Variants in SCUBE3 observed in about 807,000 individuals in gnomAD.
The protein encoded by SCUBE3 is signal peptide, CUB domain and EGF like domain containing 3, also known as signal peptide, CUB and EGF-like domain-containing protein 3.
Under a neutral mutation model 116.8 loss-of-function variants are expected in SCUBE3, and 33 were observed. That is an observed-to-expected ratio of 0.28 (90% CI 0.21 to 0.38). The LOEUF (loss-of-function observed/expected upper bound fraction) is 0.38. Ranked by LOEUF, SCUBE3 falls within the 10% of genes least tolerant of loss-of-function variation. The pLI is 1.00. For synonymous variants in SCUBE3, 418 were observed against 496.9 expected (o/e 0.84, Z 2.11); for missense variants, 1,007 against 1,324.8 (o/e 0.76, Z 3.72).
Position 35,244,809 on chromosome 6 carries a change from A to G in SCUBE3, c.2399A>G (p.Lys800Arg), listed in dbSNP as rs576646814. ...FDGSTSVAQC[K>R]NRQCGGELGE... ...GGCTCTACCAGTGTGGCCCAATGCA[A>G]GAGTACGTGGCAAGCCAGGCTGTGC... The change falls in exon 18 of 22, where the codon AAG (lysine) becomes AGG (arginine). Residue 800 changes from lysine to arginine, a missense_variant and splice_region_variant. Lys to Arg is a conservative substitution (Grantham distance 26). This residue lies in a region of SCUBE3 where 544 missense variants were observed against 638.9 expected (regional missense o/e 0.85). Coordinates refer to ENST00000274938, the MANE Select transcript of SCUBE3 (RefSeq NM_152753.4). This position sits in a 1 kb window ranked among gnomAD's most constrained non-coding sequence, Gnocchi z 4.3. The G allele has an allele frequency of 6.2e-6, 10 of 1,614,124 alleles. No homozygotes were observed. The highest frequency in any genetic ancestry group is 1.7e-5 in the Admixed American group (1 of 60,030).
At position 35,244,972 on chromosome 6, in the gene SCUBE3, G is replaced by T. The variant is rs550222942; in HGVS notation, c.2401+161G>T. On this transcript the variant is annotated intron_variant, in intron 18 of 21. Coordinates refer to ENST00000274938, the MANE Select transcript of SCUBE3 (RefSeq NM_152753.4). This position sits in a 1 kb window ranked among gnomAD's most constrained non-coding sequence, Gnocchi z 4.3. Reference sequence around the variant, plus strand: ...CCCAACTCACTCAATCTCAAGGCCAGTTGCTAGGCTGGACCCTGTAACACC... The same window carrying T: ...CCCAACTCACTCAATCTCAAGGCCATTTGCTAGGCTGGACCCTGTAACACC... Among the ~76,000 whole-genome samples the T allele has an allele frequency of 4.3e-4, 65 of 152,314 alleles. 1 individual carries two copies. Among genetic ancestry groups the T allele is most frequent in the Middle Eastern group, 3.4e-3 (1 of 294 alleles).
intron 21 of SCUBE3, among the ~76,000 whole-genome samples, chr6:35,247,606 T>C (rs1012402078): frequency 1.3e-5 from 2 of 152,232 alleles, no homozygotes; most frequent in Non-Finnish European, 2.9e-5. Flanking sequence ...AATATACTTT[T>C]AATAATACTT....
chr6:35,236,164 G>T (rs138395130), intron 6 of SCUBE3, among the ~76,000 whole-genome samples: 1 of 152,224 alleles, frequency 6.6e-6, no homozygotes, highest in Non-Finnish European at 1.5e-5. Flanking sequence ...TACCTGGCAA[G>T]TGCCTGGCAC....
At position 35,239,772 on chromosome 6, in the gene SCUBE3, A is replaced by C. The variant is rs1396031974; in HGVS notation, c.850A>C (p.Asn284His). The change falls in exon 8 of 22, where the codon AAC becomes CAC. Residue 284 changes from asparagine (N) to histidine (H), a missense_variant. Around this residue, in one of 5 missense-constraint regions of SCUBE3, gnomAD observed 214 missense variants for 316.7 expected, o/e 0.68. Coordinates refer to ENST00000274938, the MANE Select transcript of SCUBE3 (RefSeq NM_152753.4). The surrounding 1 kb of genome is among the most constrained non-coding windows in gnomAD (Gnocchi z 4.1). ...TCKDIDECRL[N>H]NGGCDHICRN... ...TTCAGATATAGATGAGTGCCGCTTA[A>C]ACAACGGGGGCTGTGACCATATTTG... 2 of 1,612,562 alleles carry C rather than the reference A, an allele frequency of 1.2e-6. No homozygotes were observed. The highest frequency in any genetic ancestry group is 1.7e-6 in the Non-Finnish European group (2 of 1,179,426).
chr6:35,236,351 G>A (rs973117108), intron 6 of SCUBE3, among the ~76,000 whole-genome samples: 11 of 152,312 alleles, frequency 7.2e-5, no homozygotes, highest in East Asian at 3.9e-4. Flanking sequence ...CTGCTATTCC[G>A]TATCCTACAT....
chr6:35,234,575 T>C (rs1329931947), intron 6 of SCUBE3, among the ~76,000 whole-genome samples: 7 of 152,208 alleles, frequency 4.6e-5, no homozygotes, highest in African/African-American at 1.7e-4. Context: ...CTCATTGCCT[T>C]CTTTGGGCTG....
In SCUBE3 at chr6:35,252,629, G is replaced by C. The variant is rs1038295825; in HGVS notation, c.*3924G>C. On this transcript the variant is annotated 3_prime_UTR_variant, in exon 22 of 22. Coordinates refer to ENST00000274938, the MANE Select transcript of SCUBE3 (RefSeq NM_152753.4). ...TCTTAAGCACAATAAAAGTGGGAGC[G>C]AACAACACAAGGATATTTTTACATT... is the stretch of plus-strand genomic sequence containing the variant. 6.6e-6 allele frequency: 1 copy of C among 152,046 alleles called. No homozygotes were observed. The highest frequency in any genetic ancestry group is 1.5e-5 in the Non-Finnish European group (1 of 68,026). The allele number at this position is 152,046 out of a possible 1,614,324, so 9.4% of individuals were successfully genotyped here. A position where few individuals can be genotyped will look rare whatever the true frequency, so the allele number is the denominator to read the frequency against.
chr6:35,247,206 G>A (rs1207047064), intron 21 of SCUBE3, among the ~76,000 whole-genome samples: 3 of 152,002 alleles, frequency 2.0e-5, no homozygotes, highest in African/African-American at 4.8e-5. Flanking sequence ...GGGCTGAGGC[G>A]GGTGGATCGC....
intron 1 of SCUBE3, chr6:35,222,109 C>A (rs1309866794): frequency 6.6e-6 from 1 of 152,210 alleles, no homozygotes; most frequent in Non-Finnish European, 1.5e-5. Context: ...CCCACAATTA[C>A]CCCCTCCCCT....
rs1357783205 is a variant in SCUBE3, at chr6:35,231,036, G to T, written c.335-689G>T. Among the ~76,000 whole-genome samples, 1 of 151,960 alleles carries T rather than the reference G, an allele frequency of 6.6e-6. No individual in the cohort carries two copies. The highest frequency in any genetic ancestry group is 1.5e-5 in the Non-Finnish European group (1 of 67,976). ...CCCTGCCCCCCACCCCCACCATCTAGGGTGTGGCCTGGCAGCTCTCCCCAG... is the reference window on the plus strand; with the variant it reads ...CCCTGCCCCCCACCCCCACCATCTATGGTGTGGCCTGGCAGCTCTCCCCAG... On this transcript the variant is annotated intron_variant, in intron 3 of 21. Coordinates refer to ENST00000274938, the MANE Select transcript of SCUBE3 (RefSeq NM_152753.4). This position sits in a 1 kb window ranked among gnomAD's most constrained non-coding sequence, Gnocchi z 4.2.
chr6:35,253,054 A>T lies in SCUBE3; in HGVS notation c.*4349A>T, dbSNP rs1403433940. ...GATTTTGTATGTCTTTTTTATTATT[A>T]TTAAAATACTAAATGAAACTCCTCA... On this transcript the variant is annotated 3_prime_UTR_variant, in exon 22 of 22. Transcript: ENST00000274938. The T allele has an allele frequency of 1.3e-5, 2 of 152,164 alleles. No homozygotes were observed. Among genetic ancestry groups the T allele is most frequent in the Non-Finnish European group, 2.9e-5 (2 of 68,032 alleles). The allele number at this position is 152,164 out of a possible 1,614,324, so 9.4% of individuals were successfully genotyped here.
chr6:35,248,700 A>C lies in SCUBE3; in HGVS notation c.2977A>C (p.Lys993Gln). The change falls in exon 22 of 22, where the codon AAA (lysine) becomes CAA (glutamine). Residue 993 changes from lysine (K) to glutamine (Q), a missense_variant. By Grantham distance (53) the Lys-to-Gln change is moderately conservative. Coordinates refer to ENST00000274938, the MANE Select transcript of SCUBE3 (RefSeq NM_152753.4). Reference sequence around the variant, plus strand: ...AGTTTCCAGCTTCCTGAGGCCCTACAAATAGTAACCCTAGGCTCAGAGACC... The same window carrying C: ...AGTTTCCAGCTTCCTGAGGCCCTACCAATAGTAACCCTAGGCTCAGAGACC... ...SKVSSFLRPYK is the reference protein window; with the variant it reads ...SKVSSFLRPYQ 1.9e-6 allele frequency: 3 copies of C among 1,613,910 alleles called. No homozygotes were observed. The highest frequency in any genetic ancestry group is 2.5e-6 in the Non-Finnish European group (3 of 1,179,936).
chr6:35,245,104 G>A lies in SCUBE3; in HGVS notation c.2402-124G>A. 1.1e-6 allele frequency: 1 copy of A among 883,670 alleles called. No individual in the cohort carries two copies. Among genetic ancestry groups the A allele is most frequent in the South Asian group, 1.5e-5 (1 of 64,702 alleles). The allele number at this position is 883,670 out of a possible 1,614,324, so 54.7% of individuals were successfully genotyped here. A position where few individuals can be genotyped will look rare whatever the true frequency, so the allele number is the denominator to read the frequency against. On this transcript the variant is annotated intron_variant, in intron 18 of 21. Coordinates refer to ENST00000274938, the MANE Select transcript of SCUBE3 (RefSeq NM_152753.4). This position sits in a 1 kb window ranked among gnomAD's most constrained non-coding sequence, Gnocchi z 4.2. ...GACTCAGAGCTTGGAAAATAATGAT[G>A]AACTAGAACGCAGACTTCCCATAAA...
At position 35,243,967 on chromosome 6, in the gene SCUBE3, G is replaced by T. The variant is rs1202365094; in HGVS notation, c.2076G>T (p.Gln692His). The T allele has an allele frequency of 6.2e-7, 1 of 1,613,512 alleles. No individual in the cohort carries two copies. Residue 692 changes from glutamine (Q) to histidine (H), a missense_variant, in exon 17 of 22, where the codon CAG becomes CAT. By Grantham distance (24) the Gln-to-His change is conservative (BLOSUM62 0). This residue lies in a region of SCUBE3 where 544 missense variants were observed against 638.9 expected (regional missense o/e 0.85). Coordinates refer to ENST00000274938, the MANE Select transcript of SCUBE3 (RefSeq NM_152753.4). The surrounding 1 kb of genome is among the most constrained non-coding windows in gnomAD (Gnocchi z 6.6). ...GATNVTTCAGQCPPGQHSVDG... is the reference protein window; with the variant it reads ...GATNVTTCAGHCPPGQHSVDG... The stretch of plus-strand genomic sequence containing the variant: ...TGGGCCCTTGATTCATTGCAGGTCA[G>T]TGCCCACCTGGCCAACACTCTGTAG...
Position 35,243,765 on chromosome 6 carries a change from G to T in SCUBE3, c.2071+10G>T, listed in dbSNP as rs753953961. ...GTCACCACGTGTGCAGGTGCCAGGGGAACAAACAATACAGAGTGGGGTAGG... is the reference window on the plus strand; with the variant it reads ...GTCACCACGTGTGCAGGTGCCAGGGTAACAAACAATACAGAGTGGGGTAGG... On this transcript the variant is annotated intron_variant, in intron 16 of 21. Coordinates refer to ENST00000274938, the MANE Select transcript of SCUBE3 (RefSeq NM_152753.4). The surrounding 1 kb of genome is among the most constrained non-coding windows in gnomAD (Gnocchi z 6.6). 3 of 1,612,958 alleles carry T rather than the reference G, an allele frequency of 1.9e-6. No individual in the cohort carries two copies. The South Asian group carries it at 3.3e-5, about 18-fold the overall frequency.
intron 1 of SCUBE3, chr6:35,220,662 G>A (rs1431071509): frequency 6.6e-6 from 1 of 152,246 alleles, no homozygotes; most frequent in East Asian, 1.9e-4. Context: ...TCCCCAGTAA[G>A]TGACAAGCTT....
In SCUBE3 at chr6:35,243,123, G is replaced by A. The variant is rs144422129; in HGVS notation, c.1796G>A (p.Arg599His). Residue 599 changes from arginine (R) to histidine (H), a missense_variant, in exon 15 of 22, where the codon CGC becomes CAC. Arg to His is a conservative substitution (Grantham distance 29). Coordinates refer to ENST00000274938, the MANE Select transcript of SCUBE3 (RefSeq NM_152753.4). The surrounding 1 kb of genome is among the most constrained non-coding windows in gnomAD (Gnocchi z 6.6). Reference sequence around the variant, plus strand: ...ATCAACCAGGACCGCTTCCTGCTGCGCCTGGCAGGCCTTGATTATGAGCTG... The same window carrying A: ...ATCAACCAGGACCGCTTCCTGCTGCACCTGGCAGGCCTTGATTATGAGCTG... ...KSINQDRFLLRLAGLDYELAH... is the reference protein window; with the variant it reads ...KSINQDRFLLHLAGLDYELAH... The A allele has an allele frequency of 1.1e-4, 185 of 1,614,190 alleles. No individual in the cohort carries two copies. The African/African-American group carries it at 1.8e-3, about 16-fold the overall frequency.
intron 20 of SCUBE3, 30 bp from the exon 21 acceptor site, chr6:35,246,176 C>T: frequency 6.2e-7 from 1 of 1,612,642 alleles, no homozygotes; most frequent in Non-Finnish European, 8.5e-7. Flanking sequence ...GCTCCCGCCC[C>T]TGAGCCCCTC....
intron 6 of SCUBE3, among the ~76,000 whole-genome samples, chr6:35,234,081 T>C (rs1013907): frequency 0.78 from 118,064 of 152,116 alleles, 46,671 homozygotes; most frequent in Non-Finnish European, 0.85. Flanking sequence ...ATGAGTTTAA[T>C]TCCTTAAAGT....
Sources: allele counts gnomAD v4.1 joint callset (sites outside exome capture counted in the v4.1 genomes callset), GRCh38; gene constraint gnomAD v4.1.1; regional missense constraint gnomAD v4.1.1; non-coding constraint Gnocchi (gnomAD v3.1); transcripts MANE v1.5; gene names NCBI Gene and HGNC (gene_info 2026-07-23, HGNC 2026-07-21).